SYT17: variants seen among roughly 807,000 people sequenced by gnomAD.
The protein encoded by SYT17 is synaptotagmin-17.
Under a neutral mutation model 46.7 loss-of-function variants are expected in SYT17, and 22 were observed. The ratio of observed to expected loss-of-function variants is 0.47; its 90% confidence interval spans 0.34 to 0.67. The LOEUF (loss-of-function observed/expected upper bound fraction) is 0.67, where lower values mean the gene tolerates loss of function less well. Ranked by LOEUF, SYT17 falls within the 30% of genes least tolerant of loss-of-function variation. The pLI is 0.01. For missense variants in SYT17, 519 were observed against 612.8 expected (o/e 0.85, Z 1.62); for synonymous variants, 251 against 248.4 (o/e 1.01, Z -0.10).
intron 5 of SYT17, among the ~76,000 whole-genome samples, chr16:19,205,819 C>T (rs1385929142): frequency 1.3e-5 from 2 of 152,222 alleles, no homozygotes; most frequent in African/African-American, 4.8e-5. Flanking sequence ...CTATCACTTT[C>T]TATCCCCGAT....
intron 3 of SYT17, chr16:19,180,179 G>A (rs1964489385): frequency 1.8e-6 from 1 of 549,222 alleles, no homozygotes; most frequent in African/African-American, 1.9e-5. Context: ...GTTCTAAATT[G>A]GGGAATATTT....
intron 5 of SYT17, among the ~76,000 whole-genome samples, chr16:19,222,118 C>G (rs1020503027): frequency 6.6e-6 from 1 of 152,144 alleles, no homozygotes; most frequent in Non-Finnish European, 1.5e-5. Context: ...TATGCAGGTA[C>G]AATGACACCA....
intron 5 of SYT17, among the ~76,000 whole-genome samples, chr16:19,200,485 C>G (rs927209072): frequency 7.9e-5 from 12 of 152,220 alleles, no homozygotes; most frequent in African/African-American, 2.9e-4. Flanking sequence ...CAGCACATCT[C>G]AATTTGCACT....
At chr16:19,228,486 C>A (rs1239816610) in intron 7 of SYT17, among the ~76,000 whole-genome samples, 1 of 152,194 alleles carries the variant, frequency 6.6e-6, no homozygotes, top group African/African-American at 2.4e-5. Context: ...TTAGAATTAC[C>A]TGAGAGCTTT....
chr16:19,187,852 T>C (rs1024424134), intron 5 of SYT17, among the ~76,000 whole-genome samples: 4 of 152,136 alleles, frequency 2.6e-5, no homozygotes, highest in Non-Finnish European at 5.9e-5. Context: ...GGTGAGGTTA[T>C]AGAGAAAAAG....
intron 5 of SYT17, among the ~76,000 whole-genome samples, chr16:19,219,613 G>C (rs139620333): frequency 2.0e-3 from 302 of 152,232 alleles, no homozygotes; most frequent in African/African-American, 6.9e-3. Context: ...ACACGTAACT[G>C]CTACCACAAT....
Position 19,218,782 on chromosome 16 carries a change from T to A in SYT17, c.952-4263T>A, listed in dbSNP as rs147405384. ...ACTGGGCAGCTTGCCTTGGTTCCTG[T>A]AGGCGTCTCTAGAATCCATTCATTC... On this transcript the variant is annotated intron_variant, in intron 5 of 7. Transcript: ENST00000355377. Among the ~76,000 whole-genome samples the A allele has an allele frequency of 1.3e-4, 20 of 152,330 alleles. No homozygotes were observed. The East Asian group carries it at 3.9e-3, about 29-fold the overall frequency.
chr16:19,256,437 A>AACACACACACACACACACAC (rs57120408), intron 7 of SYT17, among the ~76,000 whole-genome samples: 10 of 129,032 alleles, frequency 7.8e-5, no homozygotes, highest in East Asian at 2.3e-4. Context: ...CCCCTCTTCA[A>AACACACACACACACACACAC]ACACACACAC....
intron 5 of SYT17, among the ~76,000 whole-genome samples, chr16:19,188,080 G>T (rs1004137771): frequency 6.6e-6 from 1 of 152,136 alleles, no homozygotes; most frequent in Non-Finnish European, 1.5e-5. Context: ...GCATGGAATC[G>T]ACCTAAATGT....
In SYT17 at chr16:19,198,977, T is replaced by TGGTC. The variant is rs1965358115; in HGVS notation, c.951+14834_951+14837dup. On this transcript the variant is annotated intron_variant, in intron 5 of 7. Coordinates refer to ENST00000355377, the MANE Select transcript of SYT17 (RefSeq NM_016524.4). ...AGAAGATGAGGCTATGAGCTCTGAG[T>TGGTC]GGTCGGTGGGTGGGTGGCCCAGGTT... Among the ~76,000 whole-genome samples, 2 of 152,056 alleles carry TGGTC rather than the reference T, an allele frequency of 1.3e-5. 1 individual carries two copies. The highest frequency in any genetic ancestry group is 3.9e-4 in the East Asian group (2 of 5,182).
intron 7 of SYT17, among the ~76,000 whole-genome samples, chr16:19,247,647 G>A (rs965313884): frequency 1.6e-4 from 25 of 152,188 alleles, no homozygotes; most frequent in African/African-American, 5.8e-4. Context: ...GAAGATTCTT[G>A]TAAGAATGAC....
rs1372910785 is a variant in SYT17 at position 19,168,848 on chromosome 16, C to T, written c.15+187C>T. ...GCGCCCCGGGAGGAGAGACTGGGGA[C>T]CCCCAAACCCCGGGATGGAGGGTCC... On this transcript the variant is annotated intron_variant, in intron 1 of 7. Coordinates refer to ENST00000355377, the MANE Select transcript of SYT17 (RefSeq NM_016524.4). The surrounding 1 kb of genome is among the most constrained non-coding windows in gnomAD (Gnocchi z 6.9). 6.6e-6 allele frequency among the ~76,000 whole-genome samples: 1 copy of T among 152,128 alleles called. No homozygotes were observed. The highest frequency in any genetic ancestry group is 1.5e-5 in the Non-Finnish European group (1 of 67,986).
rs1964509875 is a variant in SYT17 at position 19,180,557 on chromosome 16, A to C, written c.331+18A>C. On this transcript the variant is annotated intron_variant, in intron 4 of 7. Transcript: ENST00000355377. ...GATTTCGAGTAAGTATCTCTGCTTT[A>C]CCTTTCTGGGGGCCCTGGCTGGCTT... The C allele has an allele frequency of 1.9e-6, 3 of 1,612,980 alleles. No individual in the cohort carries two copies. Among genetic ancestry groups the C allele is most frequent in the Non-Finnish European group, 2.5e-6 (3 of 1,179,460 alleles).
chr16:19,222,485 C>T (rs574788900), intron 5 of SYT17, among the ~76,000 whole-genome samples: 2 of 152,014 alleles, frequency 1.3e-5, no homozygotes, highest in East Asian at 1.9e-4. Context: ...AGGTTAGAAG[C>T]GTGGGATCTG....
intron 5 of SYT17, among the ~76,000 whole-genome samples, chr16:19,194,144 C>T (rs1034487770): frequency 5.9e-5 from 9 of 152,158 alleles, no homozygotes; most frequent in South Asian, 2.1e-4. Flanking sequence ...ATTGGCTAAG[C>T]GGAAACCTGT....
chr16:19,247,494 G>A (rs906191776), intron 7 of SYT17, among the ~76,000 whole-genome samples: 1 of 152,136 alleles, frequency 6.6e-6, no homozygotes, highest in Non-Finnish European at 1.5e-5. Context: ...CTCCCAAGGT[G>A]CTGCTGGGAT....
intron 7 of SYT17, among the ~76,000 whole-genome samples, chr16:19,232,054 G>A (rs1213190289): frequency 1.3e-5 from 2 of 152,140 alleles, no homozygotes; most frequent in South Asian, 2.1e-4. Flanking sequence ...CAGAGAGGTC[G>A]GCCGGGCTCC....
intron 7 of SYT17, among the ~76,000 whole-genome samples, chr16:19,254,461 T>C (rs1347004840): frequency 6.6e-6 from 1 of 152,052 alleles, no homozygotes; most frequent in Non-Finnish European, 1.5e-5. Context: ...CTCTTGGGGG[T>C]AAAGCTGGGC....
At chr16:19,216,469 G>T (rs939264747) in intron 5 of SYT17, among the ~76,000 whole-genome samples, 12 of 151,234 alleles carry the variant, frequency 7.9e-5, no homozygotes, top group African/African-American at 2.9e-4. Context: ...TGCCATGGTG[G>T]TTTGCTGCAC....
Sources: gnomAD v4.1 joint callset for allele counts (sites outside exome capture counted in the v4.1 genomes callset) on GRCh38, gnomAD v4.1.1 for gene constraint, Gnocchi (gnomAD v3.1) non-coding constraint, MANE v1.5 for transcripts, NCBI Gene and HGNC (gene_info 2026-07-23, HGNC 2026-07-21) for gene names.